EVC: variants seen among roughly 807,000 people sequenced by gnomAD.
EVC encodes the protein evC complex member EVC.
EVC carries 116 observed loss-of-function variants against 118.9 expected under a neutral mutation model. The observed-to-expected ratio is 0.98, with a 90% CI of 0.84 to 1.14. The LOEUF (loss-of-function observed/expected upper bound fraction) is 1.14, where lower values mean the gene tolerates loss of function less well. Among genes scored for constraint, EVC ranks in the 50% most tolerant of loss-of-function variants. The pLI, the probability that EVC is intolerant of heterozygous loss-of-function variation, is 0.00. For missense variants in EVC, 1,401 were observed against 1,246.4 expected, an observed-to-expected ratio of 1.12 and a Z score of -1.87; for synonymous variants, 619 against 534.7, an observed-to-expected ratio of 1.16 and a Z score of -2.18.
intron 5 of EVC, among the ~76,000 whole-genome samples, chr4:5,734,117 G>A (rs1416197254): frequency 2.6e-5 from 4 of 152,196 alleles, no homozygotes; most frequent in Non-Finnish European, 5.9e-5. Context: ...AAGCCAGAGA[G>A]AGGAGTCCCA....
intron 5 of EVC, among the ~76,000 whole-genome samples, chr4:5,740,849 T>TTAAG (rs1365587119): frequency 6.6e-6 from 1 of 152,210 alleles, no homozygotes; most frequent in African/African-American, 2.4e-5. Context: ...TTCAATGTCA[T>TTAAG]TAAGCCAGCA....
chr4:5,751,160 G>A (rs963143382), intron 8 of EVC, among the ~76,000 whole-genome samples: 2 of 152,178 alleles, frequency 1.3e-5, no homozygotes, highest in South Asian at 2.1e-4. Flanking sequence ...AATGCTTCAC[G>A]TATTTTGACT....
intron 2 of EVC, among the ~76,000 whole-genome samples, chr4:5,728,726 A>T (rs1017784383): frequency 6.6e-6 from 1 of 151,948 alleles, no homozygotes; most frequent in African/African-American, 2.4e-5. Flanking sequence ...TCTAATCCCA[A>T]CTCTTGTGTG....
intron 11 of EVC, among the ~76,000 whole-genome samples, chr4:5,766,165 C>T (rs1292939280): frequency 1.3e-5 from 2 of 150,036 alleles, no homozygotes; most frequent in East Asian, 4.0e-4. Context: ...ACTTATGAAG[C>T]ATAGTTTGGC....
chr4:5,802,061 G>A lies in EVC; in HGVS notation c.2416G>A (p.Glu806Lys), dbSNP rs1560434347. 1 of 1,614,168 alleles carries A rather than the reference G, an allele frequency of 6.2e-7. No homozygotes were observed. The highest frequency in any genetic ancestry group is 8.5e-7 in the Non-Finnish European group (1 of 1,180,032). ...CGGAAGGATCATGGAGGACCACGAG[G>A]AGAGAAAACTGCAGCACCTGAAGAC... ...QIGRIMEDHE[E>K]RKLQHLKTLQ... Residue 806 changes from glutamate (E) to lysine (K), a missense_variant, in exon 16 of 21, where the codon GAG (glutamate) becomes AAG (lysine). Glu to Lys is a moderately conservative substitution (Grantham distance 56). Transcript: ENST00000264956.
Position 5,813,967 on chromosome 4 carries a change from A to G in EVC, c.*2930A>G, listed in dbSNP as rs1008990453. 6.6e-6 allele frequency: 1 copy of G among 152,228 alleles called. No homozygotes were observed. Among genetic ancestry groups the G allele is most frequent in the Non-Finnish European group, 1.5e-5 (1 of 68,052 alleles). The allele number at this position is 152,228 out of a possible 1,614,324, so 9.4% of individuals were successfully genotyped here. On this transcript the variant is annotated 3_prime_UTR_variant, in exon 21 of 21. Transcript: ENST00000264956. ...GCATGATGGGGACTTCCATGCTGGA[A>G]TTGCTCCCTGATTAAAATGAGATAT...
rs1431922573 is a variant in EVC at position 5,811,306 on chromosome 4, T to G, written c.*269T>G. ...GCCCTGGCTCGATGCCTCATGGATC[T>G]TTCTCCCCAAGGAGGGACGTCTTGA... On this transcript the variant is annotated 3_prime_UTR_variant, in exon 21 of 21. Coordinates refer to ENST00000264956, the MANE Select transcript of EVC (RefSeq NM_153717.3). 2 of 443,656 alleles carry G rather than the reference T, an allele frequency of 4.5e-6. No individual in the cohort carries two copies. The highest frequency in any genetic ancestry group is 8.3e-6 in the Non-Finnish European group (2 of 239,698). 27.5% of individuals were successfully genotyped at this position (443,656 alleles called of 1,614,324 possible). A position where few individuals can be genotyped will look rare whatever the true frequency, so the allele number is the denominator to read the frequency against.
chr4:5,722,279 G>A (rs553055278), intron 2 of EVC, among the ~76,000 whole-genome samples: 2 of 152,220 alleles, frequency 1.3e-5, no homozygotes, highest in African/African-American at 2.4e-5. Flanking sequence ...TTTCTACCCC[G>A]CTGTAAGGTT....
chr4:5,760,950 C>A (rs1416228479), intron 11 of EVC, among the ~76,000 whole-genome samples: 1 of 152,148 alleles, frequency 6.6e-6, no homozygotes, highest in Non-Finnish European at 1.5e-5. Flanking sequence ...GGTTCCAGGT[C>A]GCCTGGCATA....
downstream of EVC, among the ~76,000 whole-genome samples, chr4:5,816,371 C>T (rs75059530): frequency 2.1e-3 from 326 of 152,280 alleles, 8 homozygotes; most frequent in East Asian, 0.054. Context: ...TCCTTCCCTG[C>T]GTGAGCATGG....
At position 5,746,354 on chromosome 4, in the gene EVC, G is replaced by A. The variant is rs1729348042; in HGVS notation, c.939+1013G>A. Among the ~76,000 whole-genome samples the A allele has an allele frequency of 6.6e-6, 1 of 152,190 alleles. No individual in the cohort carries two copies. The highest frequency in any genetic ancestry group is 1.5e-5 in the Non-Finnish European group (1 of 68,024). ...GTAGGATGGAGAGGTGAGGAAACGT[G>A]TGAGAGAAGCTGTGGTGGTCTACCA... On this transcript the variant is annotated intron_variant, in intron 7 of 20. Coordinates refer to ENST00000264956, the MANE Select transcript of EVC (RefSeq NM_153717.3). This position sits in a 1 kb window ranked among gnomAD's most constrained non-coding sequence, Gnocchi z 5.8.
At chr4:5,711,908 C>T (rs1201854136) in intron 1 of EVC, among the ~76,000 whole-genome samples, 2 of 152,228 alleles carry the variant, frequency 1.3e-5, no homozygotes, top group African/African-American at 4.8e-5. Context: ...GCTCCCACGC[C>T]TGAATGCCTA....
rs573548101 is a variant in EVC, at chr4:5,742,816, G to A, written c.801+1002G>A. 1.1e-4 allele frequency among the ~76,000 whole-genome samples: 16 copies of A among 152,334 alleles called. No homozygotes were observed. Among genetic ancestry groups the A allele is most frequent in the African/African-American group, 3.1e-4 (13 of 41,574 alleles). ...AAGCTCCAGAATAGGGTTTAGCCTG[G>A]GAGGGTACTTGGCTTCACCTAGGAA... On this transcript the variant is annotated intron_variant, in intron 6 of 20. Coordinates refer to ENST00000264956, the MANE Select transcript of EVC (RefSeq NM_153717.3). This position sits in a 1 kb window ranked among gnomAD's most constrained non-coding sequence, Gnocchi z 5.2.
chr4:5,815,593 C>T (rs561714702), downstream of EVC, among the ~76,000 whole-genome samples: 98 of 152,254 alleles, frequency 6.4e-4, 1 homozygote, highest in South Asian at 0.012. Flanking sequence ...TCTCCTCCTC[C>T]CCAGAGAAGA....
In EVC at chr4:5,804,747, T is replaced by G. The variant is rs761769488; in HGVS notation, c.2467T>G (p.Tyr823Asp). Residue 823 changes from tyrosine (Y) to aspartate (D), a missense_variant, in exon 17 of 21, where the codon TAC becomes GAC. By Grantham distance (160) the Tyr-to-Asp change is radical. Transcript: ENST00000264956. Reference sequence around the variant, plus strand: ...TGGTCTAGGTGAGAGGATGGAAAATTACAAACTGCGGAAAAAGCAAGAACT... The same window carrying G: ...TGGTCTAGGTGAGAGGATGGAAAATGACAAACTGCGGAAAAAGCAAGAACT... The part of the protein sequence containing the change: ...KTLQGERMEN[Y>D]KLRKKQELSN... 6.2e-7 allele frequency: 1 copy of G among 1,614,052 alleles called. No individual in the cohort carries two copies. The highest frequency in any genetic ancestry group is 8.5e-7 in the Non-Finnish European group (1 of 1,180,004).
intron 8 of EVC, among the ~76,000 whole-genome samples, chr4:5,751,354 A>G (rs1008993294): frequency 2.6e-5 from 4 of 152,012 alleles, no homozygotes; most frequent in African/African-American, 4.8e-5. Flanking sequence ...CCTCCCTCCA[A>G]TATAAGCACA....
intron 13 of EVC, 123 bp from the exon 14 acceptor site, chr4:5,796,899 C>G (rs1457492964): frequency 5.2e-6 from 4 of 776,586 alleles, no homozygotes; most frequent in Non-Finnish European, 9.3e-6. Context: ...CAGCAGAGGG[C>G]GGTGATTCCA....
At chr4:5,723,594 G>A (rs949671519) in intron 2 of EVC, among the ~76,000 whole-genome samples, 7 of 151,982 alleles carry the variant, frequency 4.6e-5, no homozygotes, top group Non-Finnish European at 7.4e-5. Context: ...TTTCTTTGTC[G>A]TTTCTTTTCT....
intron 6 of EVC, among the ~76,000 whole-genome samples, chr4:5,744,958 G>T (rs1381524105): frequency 4.3e-5 from 6 of 140,362 alleles, no homozygotes; most frequent in Admixed American, 4.1e-4. Context: ...GATTTTTAAA[G>T]TATGGTCTAG....
Sources: gnomAD v4.1 joint callset for allele counts (sites outside exome capture counted in the v4.1 genomes callset) on GRCh38, gnomAD v4.1.1 for gene constraint, Gnocchi (gnomAD v3.1) non-coding constraint, MANE v1.5 for transcripts, NCBI Gene and HGNC (gene_info 2026-07-23, HGNC 2026-07-21) for gene names.